CFAP20DC: variants seen among roughly 807,000 people sequenced by gnomAD.
The protein encoded by CFAP20DC is protein CFAP20DC.
In CFAP20DC, 84 loss-of-function variants were observed where a neutral mutation model predicts 101.7. That is an observed-to-expected ratio of 0.83 (90% CI 0.69 to 0.99). The LOEUF (loss-of-function observed/expected upper bound fraction) is 0.99, where lower values mean the gene tolerates loss of function less well. Ranked by LOEUF, CFAP20DC falls within the 50% of genes least tolerant of loss-of-function variation. CFAP20DC has a pLI of 0.00. For missense variants in CFAP20DC, 1,007 were observed against 970.3 expected, an observed-to-expected ratio of 1.04 and a Z score of -0.50; for synonymous variants, 359 against 351.2, an observed-to-expected ratio of 1.02 and a Z score of -0.25.
At chr3:58,809,580 A>G (rs1178528899) in intron 14 of CFAP20DC, among the ~76,000 whole-genome samples, 1 of 152,110 alleles carries the variant, frequency 6.6e-6, no homozygotes, top group Non-Finnish European at 1.5e-5. Flanking sequence ...TATAGCACTA[A>G]ATGCCCACAA....
chr3:58,883,339 T>C (rs1387469793), intron 7 of CFAP20DC, among the ~76,000 whole-genome samples: 1 of 152,230 alleles, frequency 6.6e-6, no homozygotes, highest in African/African-American at 2.4e-5. Flanking sequence ...GATTTCAAAA[T>C]TCACCTTGAA....
At chr3:58,792,976 C>A (rs2072975741) in intron 15 of CFAP20DC, among the ~76,000 whole-genome samples, 1 of 152,154 alleles carries the variant, frequency 6.6e-6, no homozygotes, top group East Asian at 1.9e-4. Context: ...CCTGTAAGGG[C>A]ACTGCTGTGG....
rs907687428 is a variant in CFAP20DC, at chr3:58,802,885, T to G, written c.2237+3510A>C. Reference sequence around the variant, plus strand: ...ACAAAAAATTAAGAAGATAGTTATGTTGCAGAAATAAAAGTCTTTCCAGAA... The same window carrying G: ...ACAAAAAATTAAGAAGATAGTTATGGTGCAGAAATAAAAGTCTTTCCAGAA... On this transcript the variant is annotated intron_variant, in intron 15 of 16. Coordinates refer to ENST00000482387, the MANE Select transcript of CFAP20DC (RefSeq NM_001394063.1). 2.0e-5 allele frequency among the ~76,000 whole-genome samples: 3 copies of G among 152,134 alleles called. No individual in the cohort carries two copies. In the South Asian group the frequency reaches 6.2e-4, roughly 32 times the overall value.
At chr3:58,929,457 T>A (rs1398318167) in intron 5 of CFAP20DC, among the ~76,000 whole-genome samples, 1 of 152,198 alleles carries the variant, frequency 6.6e-6, no homozygotes, top group African/African-American at 2.4e-5. Context: ...CTTACATGAA[T>A]AAGGAAATCA....
At chr3:59,008,834 C>T (rs1213006206) in intron 4 of CFAP20DC, among the ~76,000 whole-genome samples, 1 of 151,796 alleles carries the variant, frequency 6.6e-6, no homozygotes, top group African/African-American at 2.4e-5. Flanking sequence ...ACATTGTGCA[C>T]ATGTACCCTA....
intron 4 of CFAP20DC, among the ~76,000 whole-genome samples, chr3:58,951,236 T>C (rs2090068147): frequency 6.6e-6 from 1 of 152,206 alleles, no homozygotes. Context: ...AGAATGGTGA[T>C]CATTAAAAAG....
At chr3:58,752,436 A>G (rs895530118) in intron 16 of CFAP20DC, among the ~76,000 whole-genome samples, 1 of 152,106 alleles carries the variant, frequency 6.6e-6, no homozygotes. Context: ...CTTCAACATA[A>G]CTGAGCTCCT....
rs577317666 is a variant in CFAP20DC at position 58,900,087 on chromosome 3, G to A, written c.550+13621C>T. On this transcript the variant is annotated intron_variant, in intron 6 of 16. Transcript: ENST00000482387. Reference sequence around the variant, plus strand: ...ATTTAAGTTGAGTCATAAAAGATAAGTAGAAAGTAGCCTGATAAAATGGGT... The same window carrying A: ...ATTTAAGTTGAGTCATAAAAGATAAATAGAAAGTAGCCTGATAAAATGGGT... Among the ~76,000 whole-genome samples the A allele has an allele frequency of 9.2e-5, 14 of 152,318 alleles. No individual in the cohort carries two copies. The South Asian group carries it at 1.4e-3, about 16-fold the overall frequency.
chr3:58,963,763 A>G (rs2091335604), intron 4 of CFAP20DC, among the ~76,000 whole-genome samples: 2 of 152,186 alleles, frequency 1.3e-5, no homozygotes, highest in African/African-American at 4.8e-5. Context: ...ATGTAAACTA[A>G]AAATAAAATC....
At chr3:58,849,644 A>AT (rs2078046135) in intron 12 of CFAP20DC, among the ~76,000 whole-genome samples, 1 of 152,184 alleles carries the variant, frequency 6.6e-6, no homozygotes, top group African/African-American at 2.4e-5. Context: ...GATAAGGCAT[A>AT]TTTTTTACTC....
In CFAP20DC at chr3:58,808,583, C is replaced by A. The variant is rs992107654; in HGVS notation, c.2176-2127G>T. Among the ~76,000 whole-genome samples, 16 of 152,258 alleles carry A rather than the reference C, an allele frequency of 1.1e-4. No homozygotes were observed. In the East Asian group the frequency reaches 1.7e-3, roughly 17 times the overall value. ...AAGGAACCGCTAAACATGGAAAGGACCAACCAGTACCAGCCACTGCAAAAT... is the reference window on the plus strand; with the variant it reads ...AAGGAACCGCTAAACATGGAAAGGAACAACCAGTACCAGCCACTGCAAAAT... On this transcript the variant is annotated intron_variant, in intron 14 of 16. Transcript: ENST00000482387.
chr3:58,770,582 A>T (rs1432861640), intron 15 of CFAP20DC, among the ~76,000 whole-genome samples: 1 of 152,198 alleles, frequency 6.6e-6, no homozygotes, highest in East Asian at 1.9e-4. Context: ...AAGAGATGGA[A>T]GAATATTCTA....
chr3:58,983,446 T>C (rs909604653), intron 4 of CFAP20DC, among the ~76,000 whole-genome samples: 13 of 152,170 alleles, frequency 8.5e-5, no homozygotes, highest in African/African-American at 1.9e-4. Flanking sequence ...ACGAAAACCA[T>C]ACTCAATTTA....
At chr3:58,747,665 G>A (rs953156284) in intron 16 of CFAP20DC, among the ~76,000 whole-genome samples, 1 of 152,122 alleles carries the variant, frequency 6.6e-6, no homozygotes, top group Non-Finnish European at 1.5e-5. Context: ...CAGTTCAACA[G>A]TGAGGGATCA....
At chr3:58,880,687 C>A (rs1185410439) in intron 7 of CFAP20DC, among the ~76,000 whole-genome samples, 28 of 152,054 alleles carry the variant, frequency 1.8e-4, no homozygotes, top group Non-Finnish European at 1.5e-5. Flanking sequence ...TTTGTGTCAT[C>A]TTTGTTGTAA....
chr3:58,934,870 G>A (rs953937987), intron 5 of CFAP20DC, among the ~76,000 whole-genome samples: 18 of 152,172 alleles, frequency 1.2e-4, no homozygotes, highest in Non-Finnish European at 2.2e-4. Context: ...CACAAGACAG[G>A]GATGCCCTCT....
intron 4 of CFAP20DC, among the ~76,000 whole-genome samples, chr3:58,994,903 G>A (rs1576633021): frequency 1.3e-5 from 2 of 152,026 alleles, no homozygotes; most frequent in Admixed American, 6.6e-5. Flanking sequence ...TTGTGACAGG[G>A]TTTTGCCTCT....
At chr3:58,733,367 A>C (rs2067684561) in intron 3 of CFAP20DC, among the ~76,000 whole-genome samples, 1 of 150,896 alleles carries the variant, frequency 6.6e-6, no homozygotes, top group African/African-American at 2.5e-5. Flanking sequence ...TAAAAAAAAC[A>C]AAAAAAAACT....
chr3:58,813,991 G>C (rs938516236), intron 14 of CFAP20DC, among the ~76,000 whole-genome samples: 1 of 151,756 alleles, frequency 6.6e-6, no homozygotes, highest in Non-Finnish European at 1.5e-5. Context: ...GCAAGCAAAG[G>C]GCCTAACAGG....
Sources: gnomAD v4.1 joint callset for allele counts (sites outside exome capture counted in the v4.1 genomes callset) on GRCh38, gnomAD v4.1.1 for gene constraint, MANE v1.5 for transcripts, NCBI Gene and HGNC (gene_info 2026-07-23, HGNC 2026-07-21) for gene names.